Variants in ONECUT2 observed in about 807,000 individuals in gnomAD.
ONECUT2 encodes the protein one cut domain family member 2.
Under a neutral mutation model 27.9 loss-of-function variants are expected in ONECUT2, and 10 were observed. The observed-to-expected ratio is 0.36, with a 90% confidence interval of 0.22 to 0.61. The LOEUF is 0.61. Ranked by LOEUF, ONECUT2 falls within the 20% of genes least tolerant of loss-of-function variation. The pLI, the probability that ONECUT2 is intolerant of heterozygous loss-of-function variation, is 0.73. For missense variants in ONECUT2, 686 were observed against 721.0 expected, an observed-to-expected ratio of 0.95 and a Z score of 0.56; for synonymous variants, 334 against 315.1, an observed-to-expected ratio of 1.06 and a Z score of -0.64.
Position 57,435,888 on chromosome 18 carries a change from G to T in ONECUT2, c.172G>T (p.Glu58Ter). Residue 58 changes from glutamate to a stop codon, truncating the protein, a stop_gained, in exon 1 of 2, where the codon GAG becomes TAG. Transcript: ENST00000491143. LOFTEE classifies it high-confidence loss of function. ...GGGGGGGPGHEQELLASPSPH... is the reference protein window; with the variant it reads ...GGGGGGGPGH Reference sequence around the variant, plus strand: ...GGGCGGCGGCGGGGGCCCGGGCCATGAGCAGGAGCTGCTGGCCAGCCCCAG... The same window carrying T: ...GGGCGGCGGCGGGGGCCCGGGCCATTAGCAGGAGCTGCTGGCCAGCCCCAG... 1 of 1,095,776 alleles carries T rather than the reference G, an allele frequency of 9.1e-7. No individual in the cohort carries two copies. Among genetic ancestry groups the T allele is most frequent in the Non-Finnish European group, 1.1e-6 (1 of 903,492 alleles). The allele number at this position is 1,095,776 out of a possible 1,614,324, so 67.9% of individuals were successfully genotyped here. A position where few individuals can be genotyped will look rare whatever the true frequency, so the allele number is the denominator to read the frequency against.
intron 1 of ONECUT2, among the ~76,000 whole-genome samples, chr18:57,437,798 C>T (rs1427588017): frequency 6.6e-6 from 1 of 152,234 alleles, no homozygotes; most frequent in Non-Finnish European, 1.5e-5. Flanking sequence ...CAGGATTTGC[C>T]GGGGCTCCGG....
At chr18:57,453,290 A>C (rs2050241118) in intron 1 of ONECUT2, among the ~76,000 whole-genome samples, 1 of 152,200 alleles carries the variant, frequency 6.6e-6, no homozygotes, top group African/African-American at 2.4e-5. Flanking sequence ...TTTTTAAGAC[A>C]CTGTACTCAC....
intron 1 of ONECUT2, among the ~76,000 whole-genome samples, chr18:57,438,669 T>A (rs1345382687): frequency 6.6e-6 from 1 of 152,138 alleles, no homozygotes; most frequent in African/African-American, 2.4e-5. Context: ...TCTAAGAAGG[T>A]AAAGAAAACT....
rs568500193 is a variant in ONECUT2 at position 57,451,075 on chromosome 18, G to A, written c.1228+14131G>A. 3.2e-4 allele frequency among the ~76,000 whole-genome samples: 48 copies of A among 152,246 alleles called. 1 individual carries two copies. The South Asian group carries it at 9.7e-3, about 31-fold the overall frequency. The stretch of plus-strand genomic sequence containing the variant: ...AGAGTTTATTACTATGTCAACTTTA[G>A]TTGGAAACTGAAACTAAGATCATTT... On this transcript the variant is annotated intron_variant, in intron 1 of 1. Transcript: ENST00000491143.
chr18:57,457,992 G>GGGATAGC (rs2050269538), intron 1 of ONECUT2, among the ~76,000 whole-genome samples: 1 of 152,134 alleles, frequency 6.6e-6, no homozygotes, highest in South Asian at 2.1e-4. Flanking sequence ...GGCTGGGGGA[G>GGGATAGC]GGATAGCATT....
At chr18:57,438,180 G>T (rs2050154063) in intron 1 of ONECUT2, among the ~76,000 whole-genome samples, 1 of 152,272 alleles carries the variant, frequency 6.6e-6, no homozygotes, top group Non-Finnish European at 1.5e-5. Context: ...CCCGCGCGGT[G>T]TGCGTGGCGA....
intron 1 of ONECUT2, among the ~76,000 whole-genome samples, chr18:57,476,113 C>T (rs758368632): frequency 9.9e-5 from 15 of 152,272 alleles, no homozygotes; most frequent in Non-Finnish European, 1.8e-4. Flanking sequence ...TCCCTGCCTT[C>T]GTGGCACCTG....
Position 57,466,674 on chromosome 18 carries a change from A to G in ONECUT2, c.1229-9763A>G, listed in dbSNP as rs533196978. Among the ~76,000 whole-genome samples the G allele has an allele frequency of 3.3e-5, 5 of 152,340 alleles. No homozygotes were observed. In the South Asian group the frequency reaches 1.0e-3, roughly 32 times the overall value. ...TAGGAAGGTGGGAAATAAAAGCCCC[A>G]CTGGACTAGACAGGAGGGAATATGG... On this transcript the variant is annotated intron_variant, in intron 1 of 1. Coordinates refer to ENST00000491143, the MANE Select transcript of ONECUT2 (RefSeq NM_004852.3).
At chr18:57,437,696 G>T (rs1221170242) in intron 1 of ONECUT2, among the ~76,000 whole-genome samples, 1 of 151,848 alleles carries the variant, frequency 6.6e-6, no homozygotes, top group Non-Finnish European at 1.5e-5. Flanking sequence ...TCACCGCTTT[G>T]GGAGGACGTG....
rs1474206539 is a variant in ONECUT2 at position 57,481,512 on chromosome 18, C to A, written c.*4789C>A. ...TACCTTTTAGATAATCAGTTATTTT[C>A]TTTGTCTATACTGGGCACCCACCTA... On this transcript the variant is annotated 3_prime_UTR_variant, in exon 2 of 2. Coordinates refer to ENST00000491143, the MANE Select transcript of ONECUT2 (RefSeq NM_004852.3). 6.6e-6 allele frequency: 1 copy of A among 152,200 alleles called. No homozygotes were observed. The highest frequency in any genetic ancestry group is 2.4e-5 in the African/African-American group (1 of 41,458). The allele number at this position is 152,200 out of a possible 1,614,324, so 9.4% of individuals were successfully genotyped here. A position where few individuals can be genotyped will look rare whatever the true frequency, so the allele number is the denominator to read the frequency against.
chr18:57,460,687 C>CTTTTTTT (rs66773926), intron 1 of ONECUT2, among the ~76,000 whole-genome samples: 14 of 112,952 alleles, frequency 1.2e-4, no homozygotes, highest in African/African-American at 2.8e-4. Flanking sequence ...TCATTCAAAT[C>CTTTTTTT]TTTTTTTTTT....
Position 57,436,772 on chromosome 18 carries a change from C to T in ONECUT2, c.1056C>T (p.Pro352=), listed in dbSNP as rs1320288593. 6.2e-7 allele frequency: 1 copy of T among 1,614,044 alleles called. No individual in the cohort carries two copies. The highest frequency in any genetic ancestry group is 1.7e-5 in the Admixed American group (1 of 60,030). Reference sequence around the variant, plus strand: ...CGGAGCTGAAGCGCTACAGTATCCCCCAGGCGATCTTTGCGCAGAGGGTGC... The same window carrying T: ...CGGAGCTGAAGCGCTACAGTATCCCTCAGGCGATCTTTGCGCAGAGGGTGC... The part of the protein sequence containing the change: ...ITAELKRYSI[P]QAIFAQRVLC... Residue 352 remains proline (P), a synonymous_variant, in exon 1 of 2, where the codon CCC becomes CCT. Coordinates refer to ENST00000491143, the MANE Select transcript of ONECUT2 (RefSeq NM_004852.3). The surrounding 1 kb of genome is among the most constrained non-coding windows in gnomAD (Gnocchi z 5.9).
intron 1 of ONECUT2, among the ~76,000 whole-genome samples, chr18:57,458,481 A>T (rs1240986171): frequency 6.6e-6 from 1 of 152,254 alleles, no homozygotes; most frequent in South Asian, 2.1e-4. Context: ...ATCACACTGC[A>T]TGCATCATTC....
At chr18:57,454,986 G>A (rs554381585) in intron 1 of ONECUT2, among the ~76,000 whole-genome samples, 1 of 152,302 alleles carries the variant, frequency 6.6e-6, no homozygotes, top group South Asian at 2.1e-4. Context: ...AATGGCAACT[G>A]AGCCAACAAA....
chr18:57,451,139 C>T (rs1046952712), intron 1 of ONECUT2, among the ~76,000 whole-genome samples: 5 of 152,158 alleles, frequency 3.3e-5, no homozygotes, highest in South Asian at 2.1e-4. Flanking sequence ...TATATTAGCT[C>T]GTGATATTTC....
chr18:57,442,244 G>GTTTTTT (rs796717767), intron 1 of ONECUT2, among the ~76,000 whole-genome samples: 2 of 112,128 alleles, frequency 1.8e-5, no homozygotes, highest in African/African-American at 5.7e-5. Context: ...ATTCTTCTGG[G>GTTTTTT]TTTTTTTTTT....
rs560109080 is a variant in ONECUT2, at chr18:57,437,806, C to T, written c.1228+862C>T. ...GATTTGCCAGGATTTGCCGGGGCTC[C>T]GGGAGACCCTGAGCACTCGCAGGAA... On this transcript the variant is annotated intron_variant, in intron 1 of 1. Transcript: ENST00000491143. 4.6e-5 allele frequency among the ~76,000 whole-genome samples: 7 copies of T among 152,336 alleles called. No individual in the cohort carries two copies. In the South Asian group the frequency reaches 1.5e-3, roughly 32 times the overall value.
In ONECUT2 at chr18:57,435,424, G is replaced by T. The variant is rs2050131840; in HGVS notation, c.-293G>T. ...CACCCAAACAGAAGACGTCGGCGCC[G>T]GAGCGGGCTCGGACATGGCGAGGCT... On this transcript the variant is annotated 5_prime_UTR_variant, in exon 1 of 2. Transcript: ENST00000491143. Among the ~76,000 whole-genome samples, 1 of 151,686 alleles carries T rather than the reference G, an allele frequency of 6.6e-6. No individual in the cohort carries two copies.
rs537184708 is a variant in ONECUT2 at position 57,486,041 on chromosome 18, C to G, written c.*9318C>G. On this transcript the variant is annotated 3_prime_UTR_variant, in exon 2 of 2. Transcript: ENST00000491143. ...AGCAGAGCTCCCTATAAGTGAACAT[C>G]ACCTTCCCCATCTTTCCTACTGCCA... 2 of 152,766 alleles carry G rather than the reference C, an allele frequency of 1.3e-5. No individual in the cohort carries two copies. Among genetic ancestry groups the G allele is most frequent in the East Asian group, 3.9e-4 (2 of 5,180 alleles). 9.5% of individuals were successfully genotyped at this position (152,766 alleles called of 1,614,324 possible).
Sources: gnomAD v4.1 joint callset for allele counts (sites outside exome capture counted in the v4.1 genomes callset) on GRCh38, gnomAD v4.1.1 for gene constraint, Gnocchi (gnomAD v3.1) non-coding constraint, MANE v1.5 for transcripts, NCBI Gene and HGNC (gene_info 2026-07-23, HGNC 2026-07-21) for gene names.